DMXL2: variants seen among roughly 807,000 people sequenced by gnomAD.
DMXL2 encodes dmX-like protein 2.
A neutral mutation model predicts 331.1 loss-of-function variants in DMXL2; 103 were observed. The ratio of observed to expected loss-of-function variants is 0.31; its 90% confidence interval spans 0.27 to 0.37. The LOEUF (loss-of-function observed/expected upper bound fraction) is 0.37. Among genes scored for constraint, DMXL2 ranks in the 10% least tolerant of loss-of-function variants. The probability of loss-of-function intolerance (pLI) is 1.00; values close to 1 mark genes in which losing one functional copy is unlikely to be tolerated. For synonymous variants in DMXL2, 1,281 were observed against 1,252.1 expected, an observed-to-expected ratio of 1.02 and a Z score of -0.49; for missense variants, 3,171 against 3,642.9, an observed-to-expected ratio of 0.87 and a Z score of 3.33.
rs767955309 is a variant in DMXL2 at position 51,507,165 on chromosome 15, G to T, written c.2733C>A (p.His911Gln). The T allele has an allele frequency of 2.5e-6, 4 of 1,609,382 alleles. No homozygotes were observed. Among genetic ancestry groups the T allele is most frequent in the Non-Finnish European group, 3.4e-6 (4 of 1,177,398 alleles). Reference protein sequence around the residue: ...SNNNSILHMWHLHLKSVQACL... With the variant: ...SNNNSILHMWQLHLKSVQACL... ...ATGCTTGTACAGATTTAAGATGAAG[G>T]TGCCACATATGCAGAATAGAGTTAT... Residue 911 changes from histidine to glutamine, a missense_variant, in exon 16 of 44, where the codon CAC becomes CAA. This residue lies in a region of DMXL2 where 1,674 missense variants were observed against 1,780.2 expected (regional missense o/e 0.94). Coordinates refer to ENST00000560891, the MANE Select transcript of DMXL2 (RefSeq NM_001378457.1).
chr15:51,491,220 C>T (rs922235131), intron 20 of DMXL2, among the ~76,000 whole-genome samples: 2 of 152,174 alleles, frequency 1.3e-5, no homozygotes, highest in Admixed American at 6.5e-5. Context: ...GAGGGCAGAT[C>T]GCCTGAGGTC....
intron 5 of DMXL2, 59 bp downstream of exon 5, chr15:51,564,066 A>G (rs1051969023): frequency 3.3e-6 from 5 of 1,506,286 alleles, no homozygotes; most frequent in Admixed American, 2.5e-5. Context: ...GAAAGGAAAC[A>G]TATTTTAGGA....
intron 6 of DMXL2, among the ~76,000 whole-genome samples, chr15:51,553,582 C>T (rs1228262964): frequency 6.6e-6 from 1 of 152,138 alleles, no homozygotes; most frequent in East Asian, 1.9e-4. Context: ...CTGCCTCTGC[C>T]ACCCAAGACA....
rs750128365 is a variant in DMXL2 at position 51,547,446 on chromosome 15, C to T, written c.568-38G>A. 5.0e-6 allele frequency: 7 copies of T among 1,408,420 alleles called. No individual in the cohort carries two copies. In the East Asian group the frequency reaches 1.3e-4, roughly 25 times the overall value. 87.2% of individuals were successfully genotyped at this position (1,408,420 alleles called of 1,614,324 possible). A position where few individuals can be genotyped will look rare whatever the true frequency, so the allele number is the denominator to read the frequency against. On this transcript the variant is annotated intron_variant, in intron 6 of 43. Transcript: ENST00000560891. Reference sequence around the variant, plus strand: ...TAGGTCAATATAAAATTAATTTGTACATACACAATTCAAAATTTAAGTGGT... The same window carrying T: ...TAGGTCAATATAAAATTAATTTGTATATACACAATTCAAAATTTAAGTGGT...
At chr15:51,568,264 C>T in intron 3 of DMXL2, 1 of 432,182 alleles carries the variant, frequency 2.3e-6, no homozygotes. Flanking sequence ...TCAGTTAACA[C>T]AGTAAATGTC....
At chr15:51,578,909 A>T (rs1370653272) in intron 1 of DMXL2, among the ~76,000 whole-genome samples, 1 of 152,178 alleles carries the variant, frequency 6.6e-6, no homozygotes, top group African/African-American at 2.4e-5. Context: ...GTTCGAGAAT[A>T]GCCTGGGAAA....
intron 1 of DMXL2, among the ~76,000 whole-genome samples, chr15:51,577,672 A>T (rs1427040882): frequency 6.6e-6 from 1 of 152,202 alleles, no homozygotes; most frequent in East Asian, 1.9e-4. Flanking sequence ...AACAAAAATC[A>T]TCTTACTCTT....
intron 23 of DMXL2, among the ~76,000 whole-genome samples, chr15:51,483,438 A>T (rs750520353): frequency 1.3e-5 from 2 of 152,194 alleles, no homozygotes; most frequent in Non-Finnish European, 2.9e-5. Context: ...TTGGTCCTGC[A>T]TGGCAGGGAA....
intron 15 of DMXL2, among the ~76,000 whole-genome samples, chr15:51,508,797 T>C (rs917072099): frequency 1.3e-5 from 2 of 152,206 alleles, no homozygotes; most frequent in South Asian, 2.1e-4. Context: ...AGTAATCCAA[T>C]AGCCCTAGTT....
chr15:51,576,535 A>G (rs1171650589), intron 1 of DMXL2, among the ~76,000 whole-genome samples: 2 of 151,922 alleles, frequency 1.3e-5, no homozygotes, highest in African/African-American at 4.8e-5. Flanking sequence ...ATCTAAAAAT[A>G]CTAAGCCACT....
At chr15:51,498,520 CA>C (rs1401425863) in intron 18 of DMXL2, 31 bp downstream of exon 18, 2 of 1,579,466 alleles carry the variant, frequency 1.3e-6, no homozygotes, top group South Asian at 1.2e-5. Flanking sequence ...CTATTAGGTA[CA>C]ACTTTATAAA....
intron 20 of DMXL2, 105 bp downstream of exon 20, chr15:51,491,473 T>G (rs561760993): frequency 1.2e-5 from 14 of 1,183,226 alleles, no homozygotes; most frequent in Non-Finnish European, 1.7e-5. Context: ...GACCTCAAGA[T>G]AGACAAACAA....
chr15:51,486,962 A>C (rs1035462798), intron 22 of DMXL2, among the ~76,000 whole-genome samples: 8 of 152,156 alleles, frequency 5.3e-5, no homozygotes, highest in Non-Finnish European at 1.2e-4. Flanking sequence ...TGTAAAAAAA[A>C]ACCCAACTAA....
intron 20 of DMXL2, 65 bp downstream of exon 20, chr15:51,491,513 G>T: frequency 6.8e-7 from 1 of 1,470,478 alleles, no homozygotes; most frequent in Non-Finnish European, 9.3e-7. Context: ...CTGGGAGATA[G>T]TATCTTTTTT....
At chr15:51,598,887 T>C (rs1265679157) in intron 1 of DMXL2, among the ~76,000 whole-genome samples, 1 of 152,242 alleles carries the variant, frequency 6.6e-6, no homozygotes, top group East Asian at 1.9e-4. Context: ...TATTTTGAGA[T>C]TATGTAAATA....
chr15:51,483,341 G>A (rs966001039), intron 23 of DMXL2, among the ~76,000 whole-genome samples: 1 of 152,112 alleles, frequency 6.6e-6, no homozygotes, highest in South Asian at 2.1e-4. Flanking sequence ...CCAACACTGG[G>A]GACCCGTCTT....
At chr15:51,476,439 C>T (rs2041588786) in intron 27 of DMXL2, 150 bp downstream of exon 27, 6 of 883,198 alleles carry the variant, frequency 6.8e-6, no homozygotes, top group Non-Finnish European at 1.0e-5. Context: ...TTAATAGTTC[C>T]TAATCCATAG....
At chr15:51,573,119 G>C (rs1404117216) in intron 2 of DMXL2, among the ~76,000 whole-genome samples, 1 of 152,206 alleles carries the variant, frequency 6.6e-6, no homozygotes, top group Non-Finnish European at 1.5e-5. Flanking sequence ...GGTCATTAGA[G>C]AAATGCAAAT....
In DMXL2 at chr15:51,450,265, C is replaced by T; in HGVS notation, c.8831G>A (p.Gly2944Glu). 1 of 1,613,934 alleles carries T rather than the reference C, an allele frequency of 6.2e-7. No individual in the cohort carries two copies. ...CCTGATGTCAAAAATGCAGACGTGT[C>T]CTTTCCTACCCCCCGAGATTAGGAG... ...QQLLISGGRK[G>E]HVCIFDIRQR... The change falls in exon 43 of 44, where the codon GGA becomes GAA. Residue 2944 changes from glycine to glutamate, a missense_variant. Gly to Glu is a moderately conservative substitution (Grantham distance 98). Around this residue, in one of 7 missense-constraint regions of DMXL2, gnomAD observed 766 missense variants for 940.5 expected, o/e 0.81. Coordinates refer to ENST00000560891, the MANE Select transcript of DMXL2 (RefSeq NM_001378457.1).
Sources: gnomAD v4.1 joint callset for allele counts (sites outside exome capture counted in the v4.1 genomes callset) on GRCh38, gnomAD v4.1.1 for gene constraint, gnomAD v4.1.1 regional missense constraint, MANE v1.5 for transcripts, NCBI Gene and HGNC (gene_info 2026-07-23, HGNC 2026-07-21) for gene names.